The following NUDCD3 variants were observed in gnomAD, a reference collection of about 807,000 sequenced individuals.
NUDCD3 encodes nudC domain-containing protein 3.
A neutral mutation model predicts 39.7 loss-of-function variants in NUDCD3; 13 were observed. The observed-to-expected ratio is 0.33, with a 90% CI of 0.21 to 0.52. The LOEUF is 0.52. Ranked by LOEUF, NUDCD3 falls within the 20% of genes least tolerant of loss-of-function variation. The pLI, the probability that NUDCD3 is intolerant of heterozygous loss-of-function variation, is 0.96. For missense variants in NUDCD3, 453 were observed against 458.1 expected, an observed-to-expected ratio of 0.99 and a Z score of 0.10; for synonymous variants, 175 against 172.4, an observed-to-expected ratio of 1.02 and a Z score of -0.12.
rs1800582090 is a variant in NUDCD3, at chr7:44,485,200, CTTCCTT to C, written c.271_276del (p.Lys91_Glu92del). ...GCTGACACAGTCTTGGCCTCTTCCT[CTTCCTT>C]TCTTCTGATTTTCTCTTCAAGTTCC... On this transcript the variant is annotated inframe_deletion, in exon 2 of 6. Coordinates refer to ENST00000355451, the MANE Select transcript of NUDCD3 (RefSeq NM_015332.4). 1.2e-6 allele frequency: 2 copies of C among 1,614,084 alleles called. No individual in the cohort carries two copies. Among genetic ancestry groups the C allele is most frequent in the African/African-American group, 2.7e-5 (2 of 74,932 alleles).
chr7:44,461,938 G>T (rs905679046), intron 2 of NUDCD3, among the ~76,000 whole-genome samples: 2 of 152,126 alleles, frequency 1.3e-5, no homozygotes, highest in African/African-American at 4.8e-5. Flanking sequence ...GACACAGTTG[G>T]GATGGGACAG....
At position 44,414,275 on chromosome 7, in the gene NUDCD3, C is replaced by T. The variant is rs1265783856; in HGVS notation, c.643-9692G>A. Among the ~76,000 whole-genome samples, 15 of 152,046 alleles carry T rather than the reference C, an allele frequency of 9.9e-5. 1 individual carries two copies. Among genetic ancestry groups the T allele is most frequent in the Non-Finnish European group, 2.2e-4 (15 of 68,008 alleles). On this transcript the variant is annotated intron_variant, in intron 3 of 5. Transcript: ENST00000355451. The stretch of plus-strand genomic sequence containing the variant: ...GGGCAAAAGCAAAGAACAGGAGTCC[C>T]AGGTGTGAGGGATGGTGGGTTTGGG...
In NUDCD3 at chr7:44,475,120, T is replaced by C. The variant is rs1223600186; in HGVS notation, c.509+9848A>G. Among the ~76,000 whole-genome samples the C allele has an allele frequency of 2.6e-5, 4 of 151,940 alleles. No homozygotes were observed. In the East Asian group the frequency reaches 7.7e-4, roughly 29 times the overall value. ...ACATCACAAATTCATTTCTTTTTTT[T>C]TTTTTTTTTGAGACGAAGTCTCGCT... On this transcript the variant is annotated intron_variant, in intron 2 of 5. Transcript: ENST00000355451.
rs146329778 is a variant in NUDCD3 at position 44,490,588 on chromosome 7, C to A, written c.13G>T (p.Ala5Ser). 4.7e-5 allele frequency: 75 copies of A among 1,608,418 alleles called. 1 individual carries two copies. Among genetic ancestry groups the A allele is most frequent in the South Asian group, 3.0e-4 (27 of 90,156 alleles). Residue 5 changes from alanine to serine, a missense_variant, in exon 1 of 6, where the codon GCG becomes TCG. Ala to Ser is a moderately conservative substitution (Grantham distance 99). Coordinates refer to ENST00000355451, the MANE Select transcript of NUDCD3 (RefSeq NM_015332.4). METG[A>S]AELYDQALLG... ...AGGGCCTGGTCATACAGCTCGGCCG[C>A]CCCTGTCTCCATGTCGCCTCCCGCC... is the stretch of plus-strand genomic sequence containing the variant.
intron 4 of NUDCD3, among the ~76,000 whole-genome samples, chr7:44,400,623 G>GC (rs897707939): frequency 6.6e-6 from 1 of 152,204 alleles, no homozygotes; most frequent in African/African-American, 2.4e-5. Flanking sequence ...TTATCTCCCA[G>GC]CCCCATGGGC....
At chr7:44,460,110 C>T (rs905111955) in intron 2 of NUDCD3, among the ~76,000 whole-genome samples, 1 of 152,124 alleles carries the variant, frequency 6.6e-6, no homozygotes, top group African/African-American at 2.4e-5. Context: ...TCACTGAAGG[C>T]AGTATCGATG....
At chr7:44,473,128 A>T (rs1800289734) in intron 2 of NUDCD3, among the ~76,000 whole-genome samples, 2 of 152,232 alleles carry the variant, frequency 1.3e-5, no homozygotes, top group African/African-American at 4.8e-5. Flanking sequence ...ACTACATGGC[A>T]GTTAGTAAAC....
chr7:44,467,298 T>C (rs759476430), intron 2 of NUDCD3, among the ~76,000 whole-genome samples: 5 of 152,200 alleles, frequency 3.3e-5, no homozygotes, highest in Non-Finnish European at 4.4e-5. Flanking sequence ...AAGTAGAATG[T>C]GCCCAGACAG....
intron 4 of NUDCD3, among the ~76,000 whole-genome samples, chr7:44,394,345 C>G (rs567902209): frequency 1.3e-4 from 20 of 152,342 alleles, no homozygotes; most frequent in African/African-American, 4.8e-4. Context: ...CTCTGCTAAG[C>G]TGGTTTGTCG....
At chr7:44,431,705 C>T (rs992065775) in intron 2 of NUDCD3, among the ~76,000 whole-genome samples, 1 of 142,222 alleles carries the variant, frequency 7.0e-6, no homozygotes, top group African/African-American at 2.6e-5. Context: ...CGGAGTCTCA[C>T]TCTGTCACCC....
intron 2 of NUDCD3, among the ~76,000 whole-genome samples, chr7:44,453,861 T>C (rs933779508): frequency 2.7e-5 from 4 of 150,078 alleles, no homozygotes; most frequent in Non-Finnish European, 4.4e-5. Flanking sequence ...CTGAGCAACA[T>C]AGGGAGGCCC....
Position 44,380,757 on chromosome 7 carries a change from T to C in NUDCD3, c.*5254A>G, listed in dbSNP as rs1296453252. 6.6e-6 allele frequency: 1 copy of C among 152,234 alleles called. No individual in the cohort carries two copies. Among genetic ancestry groups the C allele is most frequent in the Non-Finnish European group, 1.5e-5 (1 of 68,052 alleles). The allele number at this position is 152,234 out of a possible 1,614,324, so 9.4% of individuals were successfully genotyped here. A position where few individuals can be genotyped will look rare whatever the true frequency, so the allele number is the denominator to read the frequency against. ...ATCCCCAGTTATCTGGATCCCCAGT[T>C]CCCTGAACCAGAGCAGCTTCCTAAA... On this transcript the variant is annotated 3_prime_UTR_variant, in exon 6 of 6. Coordinates refer to ENST00000355451, the MANE Select transcript of NUDCD3 (RefSeq NM_015332.4).
chr7:44,408,182 A>T (rs10225624), intron 3 of NUDCD3, among the ~76,000 whole-genome samples: 19,559 of 152,258 alleles, frequency 0.13, 1,670 homozygotes, highest in Non-Finnish European at 0.19. Context: ...ACATACACCC[A>T]AACTGAGAAA....
At chr7:44,470,313 A>G (rs1800227977) in intron 2 of NUDCD3, among the ~76,000 whole-genome samples, 1 of 152,124 alleles carries the variant, frequency 6.6e-6, no homozygotes, top group Non-Finnish European at 1.5e-5. Flanking sequence ...TCAGAATCCC[A>G]CAGCTGCTAT....
At chr7:44,430,767 CCT>C (rs1799349186) in intron 2 of NUDCD3, among the ~76,000 whole-genome samples, 1 of 152,184 alleles carries the variant, frequency 6.6e-6, no homozygotes, top group Non-Finnish European at 1.5e-5. Context: ...AGTCACTTGG[CCT>C]ATACCACCAG....
chr7:44,475,165 G>A (rs1800339394), intron 2 of NUDCD3, among the ~76,000 whole-genome samples: 3 of 148,924 alleles, frequency 2.0e-5, no homozygotes, highest in Admixed American at 1.3e-4. Flanking sequence ...CAGCTGGAGT[G>A]CAGTGGCATG....
Position 44,381,884 on chromosome 7 carries a change from A to AGT in NUDCD3, c.*4125_*4126dup, listed in dbSNP as rs948321573. 85 of 152,258 alleles carry AGT rather than the reference A, an allele frequency of 5.6e-4. No individual in the cohort carries two copies. The highest frequency in any genetic ancestry group is 1.9e-3 in the African/African-American group (79 of 41,522). 9.4% of individuals were successfully genotyped at this position (152,258 alleles called of 1,614,324 possible). A position where few individuals can be genotyped will look rare whatever the true frequency, so the allele number is the denominator to read the frequency against. ...CAGAAAGCCCAGCGCATACCCCCAG[A>AGT]GTGTTCTGGCAGACCTGTGCCAGCT... On this transcript the variant is annotated 3_prime_UTR_variant, in exon 6 of 6. Coordinates refer to ENST00000355451, the MANE Select transcript of NUDCD3 (RefSeq NM_015332.4).
At chr7:44,386,763 C>T (rs1422351617) in intron 5 of NUDCD3, among the ~76,000 whole-genome samples, 4 of 152,220 alleles carry the variant, frequency 2.6e-5, no homozygotes, top group African/African-American at 4.8e-5. Context: ...CCCTCGCCAA[C>T]GTGTGGCCAT....
intron 3 of NUDCD3, among the ~76,000 whole-genome samples, chr7:44,421,486 G>GAAAAAA (rs1799138975): frequency 2.8e-5 from 1 of 36,258 alleles, no homozygotes. Context: ...CAAATGGAAA[G>GAAAAAA]CAAAAAAAAA....
Sources: gnomAD v4.1 joint callset for allele counts (sites outside exome capture counted in the v4.1 genomes callset) on GRCh38, gnomAD v4.1.1 for gene constraint, MANE v1.5 for transcripts, NCBI Gene and HGNC (gene_info 2026-07-23, HGNC 2026-07-21) for gene names.